Variants in CNTLN observed in about 807,000 individuals in gnomAD.
CNTLN encodes centlein, centrosomal protein.
CNTLN carries 212 observed loss-of-function variants against 180.0 expected under a neutral mutation model. That is an observed-to-expected ratio of 1.18 (90% CI 1.05 to 1.32). The LOEUF is 1.32. CNTLN is among the 40% of genes most tolerant of loss of function. CNTLN has a pLI of 0.00. For synonymous variants in CNTLN, 722 were observed against 563.1 expected (o/e 1.28, Z -3.99); for missense variants, 2,095 against 1,610.9 (o/e 1.30, Z -5.14).
chr9:17,427,132 GT>G (rs1829136941), intron 18 of CNTLN, among the ~76,000 whole-genome samples: 1 of 152,068 alleles, frequency 6.6e-6, no homozygotes, highest in Admixed American at 6.5e-5. Flanking sequence ...CAAGGTCAAA[GT>G]TTCAGCTCCT....
At chr9:17,355,384 G>T (rs1822753692) in intron 12 of CNTLN, among the ~76,000 whole-genome samples, 1 of 152,088 alleles carries the variant, frequency 6.6e-6, no homozygotes, top group Non-Finnish European at 1.5e-5. Context: ...CATTCCGTAG[G>T]CTATATTTCC....
At chr9:17,217,880 TTG>T (rs1416590233) in intron 2 of CNTLN, among the ~76,000 whole-genome samples, 2 of 152,162 alleles carry the variant, frequency 1.3e-5, no homozygotes, top group Non-Finnish European at 2.9e-5. Flanking sequence ...AGTTTCAGCT[TTG>T]TATATTTAGA....
intron 7 of CNTLN, among the ~76,000 whole-genome samples, chr9:17,304,072 A>G (rs1818546073): frequency 6.6e-6 from 1 of 152,054 alleles, no homozygotes; most frequent in African/African-American, 2.4e-5. Flanking sequence ...TATCTGTTTA[A>G]TTATCTGAAA....
intron 2 of CNTLN, among the ~76,000 whole-genome samples, chr9:17,202,127 C>T (rs991026552): frequency 6.6e-6 from 1 of 152,154 alleles, no homozygotes; most frequent in African/African-American, 2.4e-5. Flanking sequence ...GTTCAATTCC[C>T]ATGTAGCTGT....
At chr9:17,326,051 C>G (rs1197091759) in intron 8 of CNTLN, among the ~76,000 whole-genome samples, 1 of 151,958 alleles carries the variant, frequency 6.6e-6, no homozygotes, top group African/African-American at 2.4e-5. Flanking sequence ...GGCCCTTCCC[C>G]CATGCCTTCT....
intron 13 of CNTLN, among the ~76,000 whole-genome samples, chr9:17,384,406 CTA>C (rs1825527728): frequency 6.6e-6 from 1 of 151,986 alleles, no homozygotes; most frequent in African/African-American, 2.4e-5. Flanking sequence ...CAAAAATGGG[CTA>C]ATTGTCTTTG....
intron 18 of CNTLN, among the ~76,000 whole-genome samples, chr9:17,437,311 T>C (rs1587990266): frequency 6.6e-6 from 1 of 152,206 alleles, no homozygotes; most frequent in African/African-American, 2.4e-5. Context: ...TACTATAAAA[T>C]TGCACTTCTT....
At chr9:17,308,156 G>A (rs944176818) in intron 7 of CNTLN, among the ~76,000 whole-genome samples, 1 of 151,990 alleles carries the variant, frequency 6.6e-6, no homozygotes, top group Admixed American at 6.5e-5. Flanking sequence ...AAGTTCTGGA[G>A]GCATACCATT....
chr9:17,393,885 A>G (rs1826295033), intron 14 of CNTLN, among the ~76,000 whole-genome samples: 1 of 152,158 alleles, frequency 6.6e-6, no homozygotes, highest in Admixed American at 6.6e-5. Context: ...CCTTAAGATT[A>G]ACAAATGTGT....
At chr9:17,312,448 G>A (rs551259239) in intron 8 of CNTLN, among the ~76,000 whole-genome samples, 9 of 145,900 alleles carry the variant, frequency 6.2e-5, no homozygotes, top group African/African-American at 1.8e-4. Flanking sequence ...GTGCAGTGGC[G>A]CGATCTCGGC....
chr9:17,161,089 A>T (rs1203628753), intron 2 of CNTLN, among the ~76,000 whole-genome samples: 1 of 152,150 alleles, frequency 6.6e-6, no homozygotes, highest in Non-Finnish European at 1.5e-5. Context: ...GGAAAAAGTT[A>T]AAAAAGTTCT....
At chr9:17,387,796 G>A (rs534420046) in intron 13 of CNTLN, among the ~76,000 whole-genome samples, 11 of 152,120 alleles carry the variant, frequency 7.2e-5, no homozygotes, top group Admixed American at 3.9e-4. Context: ...AAGATCCAGA[G>A]AACAAAACTA....
At chr9:17,194,329 C>A (rs1354343867) in intron 2 of CNTLN, among the ~76,000 whole-genome samples, 1 of 152,194 alleles carries the variant, frequency 6.6e-6, no homozygotes, top group Non-Finnish European at 1.5e-5. Context: ...TTCTCTGCTT[C>A]CCTTATAAAC....
At chr9:17,470,991 G>C (rs1043897704) in intron 23 of CNTLN, among the ~76,000 whole-genome samples, 1 of 151,854 alleles carries the variant, frequency 6.6e-6, no homozygotes, top group Admixed American at 6.6e-5. Flanking sequence ...TTATAAACAG[G>C]TCTATGATAC....
chr9:17,283,155 T>C (rs1306083120), intron 6 of CNTLN, among the ~76,000 whole-genome samples: 1 of 152,236 alleles, frequency 6.6e-6, no homozygotes, highest in African/African-American at 2.4e-5. Flanking sequence ...AGGAATAGCA[T>C]TGAATCTATA....
At chr9:17,409,113 A>G (rs1040285159) in intron 15 of CNTLN, among the ~76,000 whole-genome samples, 180 bp from the exon 16 acceptor site, 1 of 152,146 alleles carries the variant, frequency 6.6e-6, no homozygotes, top group Non-Finnish European at 1.5e-5. Flanking sequence ...GGATTCTATA[A>G]TTTTGTACAA....
intron 6 of CNTLN, among the ~76,000 whole-genome samples, chr9:17,295,877 C>G (rs1444866112): frequency 1.3e-5 from 2 of 151,686 alleles, no homozygotes; most frequent in Non-Finnish European, 2.9e-5. Flanking sequence ...CCAGAAAATA[C>G]CATGAGGTGG....
chr9:17,271,048 T>A (rs1827906640), intron 5 of CNTLN, among the ~76,000 whole-genome samples: 1 of 149,982 alleles, frequency 6.7e-6, no homozygotes, highest in East Asian at 2.0e-4. Context: ...CCTTCCGGGT[T>A]CACACCATTC....
intron 25 of CNTLN, among the ~76,000 whole-genome samples, chr9:17,494,576 A>G (rs998688787): frequency 5.3e-5 from 8 of 151,996 alleles, no homozygotes; most frequent in Admixed American, 4.6e-4. Context: ...CTCTGTGTCC[A>G]TATGTTCTCA....
Sources: allele counts gnomAD v4.1 joint callset (sites outside exome capture counted in the v4.1 genomes callset), GRCh38; gene constraint gnomAD v4.1.1; transcripts MANE v1.5; gene names NCBI Gene and HGNC (gene_info 2026-07-23, HGNC 2026-07-21).